RAB30: variants seen among roughly 807,000 people sequenced by gnomAD.
RAB30 encodes the protein RAB30, member RAS oncogene family.
In RAB30, 9 loss-of-function variants were observed where a neutral mutation model predicts 25.1. The observed-to-expected ratio is 0.36, with a 90% CI of 0.22 to 0.63. The LOEUF is 0.63. RAB30 is among the 20% of genes least tolerant of loss of function. The pLI, the probability that RAB30 is intolerant of heterozygous loss-of-function variation, is 0.69. For synonymous variants in RAB30, 77 were observed against 86.4 expected (o/e 0.89, Z 0.60); for missense variants, 140 against 243.5 (o/e 0.58, Z 2.83).
At chr11:82,998,372 A>T (rs1370109272) in intron 1 of RAB30, among the ~76,000 whole-genome samples, 1 of 152,058 alleles carries the variant, frequency 6.6e-6, no homozygotes, top group Non-Finnish European at 1.5e-5. Flanking sequence ...GATTTTTTAA[A>T]ACTTACAAAA....
chr11:82,989,719 C>T (rs1288456574), intron 3 of RAB30, among the ~76,000 whole-genome samples: 1 of 152,196 alleles, frequency 6.6e-6, no homozygotes, highest in Non-Finnish European at 1.5e-5. Flanking sequence ...TCTAGAACAG[C>T]GATTGTATGA....
chr11:83,014,508 T>C (rs115341047), intron 1 of RAB30, among the ~76,000 whole-genome samples: 1,611 of 151,874 alleles, frequency 0.011, 23 homozygotes, highest in African/African-American at 0.036. Context: ...ATGATGCCAG[T>C]GCACTCCAAT....
chr11:83,060,943 C>G (rs1167228350), intron 1 of RAB30, among the ~76,000 whole-genome samples: 1 of 152,166 alleles, frequency 6.6e-6, no homozygotes, highest in African/African-American at 2.4e-5. Context: ...AGCTGAAATA[C>G]ACTACACTCT....
At chr11:82,999,956 G>A (rs911867335) in intron 1 of RAB30, among the ~76,000 whole-genome samples, 1 of 151,070 alleles carries the variant, frequency 6.6e-6, no homozygotes, top group Admixed American at 6.6e-5. Flanking sequence ...GTACACTCAT[G>A]ACTGTGAGCA....
intron 1 of RAB30, among the ~76,000 whole-genome samples, chr11:82,998,227 C>T (rs528890906): frequency 6.6e-6 from 1 of 152,214 alleles, no homozygotes; most frequent in South Asian, 2.1e-4. Flanking sequence ...AATGTCTATC[C>T]TATAGAAATA....
At chr11:83,016,890 T>C (rs1857450717) in intron 1 of RAB30, among the ~76,000 whole-genome samples, 1 of 152,238 alleles carries the variant, frequency 6.6e-6, no homozygotes, top group South Asian at 2.1e-4. Context: ...ATGTCATTTA[T>C]GTGTGCACAT....
intron 1 of RAB30, chr11:83,038,912 G>C (rs1167948846): frequency 2.6e-5 from 4 of 151,480 alleles, no homozygotes. Flanking sequence ...TGTGCTATGT[G>C]CATTTAAAAA....
intron 1 of RAB30, 72 bp from the exon 2 acceptor site, chr11:82,997,396 C>G (rs915895376): frequency 5.2e-5 from 57 of 1,090,900 alleles, no homozygotes; most frequent in Middle Eastern, 2.0e-4. Context: ...GCTGCACCAG[C>G]CTTCTCTCCG....
chr11:82,975,312 C>G lies in RAB30; in HGVS notation c.*6853G>C, dbSNP rs2121416001. 1 of 152,250 alleles carries G rather than the reference C, an allele frequency of 6.6e-6. No homozygotes were observed. 9.4% of individuals were successfully genotyped at this position (152,250 alleles called of 1,614,324 possible). A position where few individuals can be genotyped will look rare whatever the true frequency, so the allele number is the denominator to read the frequency against. On this transcript the variant is annotated 3_prime_UTR_variant, in exon 5 of 5. Transcript: ENST00000527633. Reference sequence around the variant, plus strand: ...TGTTTAGCAGCTGTTTTTCAAAAGACTTGTCAAGTTTTACTATTGTTATTT... The same window carrying G: ...TGTTTAGCAGCTGTTTTTCAAAAGAGTTGTCAAGTTTTACTATTGTTATTT...
At chr11:83,069,723 C>T (rs1284647067) in intron 1 of RAB30, among the ~76,000 whole-genome samples, 1 of 152,184 alleles carries the variant, frequency 6.6e-6, no homozygotes, top group East Asian at 1.9e-4. Flanking sequence ...ATTTAAAAAC[C>T]TTGCTAATCC....
intron 2 of RAB30, among the ~76,000 whole-genome samples, chr11:82,994,333 A>T (rs1193149227): frequency 1.3e-5 from 2 of 152,144 alleles, no homozygotes; most frequent in East Asian, 3.9e-4. Context: ...AGTGGGAGAG[A>T]GAAATGCTGA....
chr11:83,051,684 TAA>T (rs34533758), intron 1 of RAB30, among the ~76,000 whole-genome samples: 1 of 142,068 alleles, frequency 7.0e-6, no homozygotes. Context: ...CACTTACAGT[TAA>T]AAAAAAAAAA....
intron 1 of RAB30, among the ~76,000 whole-genome samples, chr11:83,007,345 A>C (rs1282939572): frequency 6.6e-6 from 1 of 152,244 alleles, no homozygotes. Context: ...CAAGATATGC[A>C]AAAAGTAAAA....
chr11:83,037,194 A>C (rs1332362970), intron 1 of RAB30, among the ~76,000 whole-genome samples: 1 of 152,200 alleles, frequency 6.6e-6, no homozygotes, highest in Non-Finnish European at 1.5e-5. Flanking sequence ...TGTTTTTTTA[A>C]AAAATAAATA....
chr11:83,047,347 A>G (rs1275099341), intron 1 of RAB30, among the ~76,000 whole-genome samples: 12 of 152,232 alleles, frequency 7.9e-5, no homozygotes, highest in Admixed American at 7.9e-4. Flanking sequence ...TGGGCAAATT[A>G]TAAAGCTATC....
chr11:83,018,441 A>T (rs1857491033), intron 1 of RAB30, among the ~76,000 whole-genome samples: 1 of 152,068 alleles, frequency 6.6e-6, no homozygotes, highest in Non-Finnish European at 1.5e-5. Context: ...CCTGATAATT[A>T]CTGATGTTGA....
chr11:83,059,888 T>A (rs1050392249), intron 1 of RAB30, among the ~76,000 whole-genome samples: 1 of 151,858 alleles, frequency 6.6e-6, no homozygotes, highest in Non-Finnish European at 1.5e-5. Context: ...AAATCATGGG[T>A]CCAAGTGATA....
At chr11:83,024,709 T>A (rs1287951251) in intron 1 of RAB30, among the ~76,000 whole-genome samples, 2 of 152,232 alleles carry the variant, frequency 1.3e-5, no homozygotes, top group Non-Finnish European at 2.9e-5. Flanking sequence ...GTTTCCAGAA[T>A]TGTGTGTGTT....
At position 82,974,843 on chromosome 11, in the gene RAB30, G is replaced by GATATATGTGTCA. The variant is rs536551266; in HGVS notation, c.*7321_*7322insTGACACATATAT. 278 of 151,816 alleles carry GATATATGTGTCA rather than the reference G, an allele frequency of 1.8e-3. 4 individuals are homozygous for GATATATGTGTCA. Among genetic ancestry groups the GATATATGTGTCA allele is most frequent in the Admixed American group, 0.017 (256 of 15,266 alleles). 9.4% of individuals were successfully genotyped at this position (151,816 alleles called of 1,614,324 possible). On this transcript the variant is annotated 3_prime_UTR_variant, in exon 5 of 5. Coordinates refer to ENST00000527633, the MANE Select transcript of RAB30 (RefSeq NM_001286060.2). ...CTATACTAAAAGTCATGCATTAAAA[G>GATATATGTGTCA]TGTGTACAAGATATATGGGGCACAC...
Sources: gnomAD v4.1 joint callset for allele counts (sites outside exome capture counted in the v4.1 genomes callset) on GRCh38, gnomAD v4.1.1 for gene constraint, MANE v1.5 for transcripts, NCBI Gene and HGNC (gene_info 2026-07-23, HGNC 2026-07-21) for gene names.